Variants in NOX3 observed in about 807,000 individuals in gnomAD.
The protein encoded by NOX3 is NADPH oxidase catalytic subunit-like 3.
Under a neutral mutation model 76.7 loss-of-function variants are expected in NOX3, and 74 were observed. That is an observed-to-expected ratio of 0.96 (90% CI 0.80 to 1.17). The LOEUF is 1.17. Ranked by LOEUF, NOX3 falls within the 50% of genes most tolerant of loss-of-function variation. NOX3 has a pLI of 0.00. For missense variants in NOX3, 695 were observed against 703.3 expected, an observed-to-expected ratio of 0.99 and a Z score of 0.13; for synonymous variants, 263 against 261.1, an observed-to-expected ratio of 1.01 and a Z score of -0.07.
chr6:155,416,995 C>T (rs951070996), intron 10 of NOX3, among the ~76,000 whole-genome samples: 4 of 151,974 alleles, frequency 2.6e-5, no homozygotes, highest in African/African-American at 9.7e-5. Context: ...AGGTGTTCCG[C>T]CCACCTCGAC....
intron 12 of NOX3, among the ~76,000 whole-genome samples, chr6:155,399,975 G>C (rs1562456188): frequency 6.6e-6 from 1 of 152,138 alleles, no homozygotes; most frequent in Non-Finnish European, 1.5e-5. Context: ...GATCAGTCTG[G>C]GCTGCTGACT....
chr6:155,407,577 A>G (rs144880595), intron 11 of NOX3, among the ~76,000 whole-genome samples: 358 of 152,366 alleles, frequency 2.3e-3, no homozygotes, highest in Middle Eastern at 6.8e-3. Context: ...AGCAAGCACT[A>G]AACGACTTCC....
rs748938503 is a variant in NOX3, at chr6:155,428,783, T to C, written c.1145+11A>G. 7.5e-6 allele frequency: 11 copies of C among 1,472,872 alleles called. No individual in the cohort carries two copies. The highest frequency in any genetic ancestry group is 1.4e-5 in the African/African-American group (1 of 70,880). The allele number at this position is 1,472,872 out of a possible 1,614,324, so 91.2% of individuals were successfully genotyped here. On this transcript the variant is annotated intron_variant, in intron 9 of 13. Coordinates refer to ENST00000159060, the MANE Select transcript of NOX3 (RefSeq NM_015718.3). Reference sequence around the variant, plus strand: ...TACTGCAATTTATACATGAGAGAAATGGGCACGAACCTTGGCAGGCTCCAG... The same window carrying C: ...TACTGCAATTTATACATGAGAGAAACGGGCACGAACCTTGGCAGGCTCCAG...
At position 155,422,738 on chromosome 6, in the gene NOX3, A is replaced by G. The variant is rs759233146; in HGVS notation, c.1264T>C (p.Trp422Arg). ...TPFAALLKSI[W>R]YKCSEAQTPL... is the part of the protein sequence containing the mutation. Reference sequence around the variant, plus strand: ...GTCTGTGCCTCACTGCATTTGTACCATATAGATTTCAGAAGAGCAGCGAAG... The same window carrying G: ...GTCTGTGCCTCACTGCATTTGTACCGTATAGATTTCAGAAGAGCAGCGAAG... Residue 422 changes from tryptophan to arginine, a missense_variant, in exon 10 of 14, where the codon TGG becomes CGG. Trp to Arg is a moderately radical substitution (Grantham distance 101, BLOSUM62 -3). Transcript: ENST00000159060. 1 of 1,614,196 alleles carries G rather than the reference A, an allele frequency of 6.2e-7. No homozygotes were observed. Among genetic ancestry groups the G allele is most frequent in the Non-Finnish European group, 8.5e-7 (1 of 1,180,030 alleles).
chr6:155,407,956 GTTTGTTTGTT>G (rs1470833359), intron 11 of NOX3, among the ~76,000 whole-genome samples: 1 of 152,154 alleles, frequency 6.6e-6, no homozygotes, highest in East Asian at 1.9e-4. Flanking sequence ...GATCATTTTT[GTTTGTTTGTT>G]TTTGTTTGTT....
intron 10 of NOX3, among the ~76,000 whole-genome samples, chr6:155,416,744 C>CTTTTTTTTTTTTTTTTTTTTT (rs534711414): frequency 1.3e-4 from 12 of 92,534 alleles, no homozygotes; most frequent in African/African-American, 4.6e-4. Context: ...CTGAAACATT[C>CTTTTTTTTTTTTTTTTTTTTT]TTTTTTTTTT....
At chr6:155,453,342 C>G (rs1562474418) in intron 4 of NOX3, 62 bp downstream of exon 4, 41 of 1,320,998 alleles carry the variant, frequency 3.1e-5, no homozygotes, top group Non-Finnish European at 3.7e-5. Context: ...AGAGTTAAAA[C>G]AAAACTATGA....
chr6:155,398,228 T>C (rs1779165170), intron 12 of NOX3, among the ~76,000 whole-genome samples: 1 of 152,196 alleles, frequency 6.6e-6, no homozygotes, highest in Admixed American at 6.5e-5. Context: ...ATTCCTAGGC[T>C]CGAATCCAAG....
chr6:155,443,472 G>A (rs559400187), intron 4 of NOX3, 54 bp from the exon 5 acceptor site: 3 of 1,577,732 alleles, frequency 1.9e-6, no homozygotes, highest in Non-Finnish European at 2.6e-6. Flanking sequence ...TTTCTCCCTA[G>A]TTACTAAAAA....
At chr6:155,424,724 G>T (rs1776734880) in intron 9 of NOX3, among the ~76,000 whole-genome samples, 1 of 152,118 alleles carries the variant, frequency 6.6e-6, no homozygotes, top group Non-Finnish European at 1.5e-5. Flanking sequence ...AACCAGAAAT[G>T]GTTAGTATCT....
At position 155,407,235 on chromosome 6, in the gene NOX3, T is replaced by G; in HGVS notation, c.1475A>C (p.His492Pro). The change falls in exon 12 of 14, where the codon CAC becomes CCC. Residue 492 changes from histidine (H) to proline (P), a missense_variant. Coordinates refer to ENST00000159060, the MANE Select transcript of NOX3 (RefSeq NM_015718.3). ...AATCACGTCAGTATTTTCGTCCCAG[T>G]GTAAAGCTATGTGAAGAGCCTAAAG... ...DENQALHIAL[H>P]WDENTDVITG... The G allele has an allele frequency of 6.2e-7, 1 of 1,613,930 alleles. No individual in the cohort carries two copies. Among genetic ancestry groups the G allele is most frequent in the Non-Finnish European group, 8.5e-7 (1 of 1,179,938 alleles).
At chr6:155,451,545 A>G (rs1777140137) in intron 4 of NOX3, among the ~76,000 whole-genome samples, 1 of 152,194 alleles carries the variant, frequency 6.6e-6, no homozygotes, top group Admixed American at 6.5e-5. Flanking sequence ...ATTACATATA[A>G]AGAAATGTAC....
At chr6:155,429,124 T>A in intron 8 of NOX3, 77 bp from the exon 9 acceptor site, 18 of 1,383,982 alleles carry the variant, frequency 1.3e-5, no homozygotes, top group Non-Finnish European at 1.7e-5. Context: ...TCAAAGGTGT[T>A]GAAAATTTTA....
intron 7 of NOX3, among the ~76,000 whole-genome samples, chr6:155,436,120 G>A (rs1277412276): frequency 6.6e-6 from 1 of 152,170 alleles, no homozygotes; most frequent in Non-Finnish European, 1.5e-5. Flanking sequence ...ACAAAGAAGG[G>A]TGGTGAGGCC....
At chr6:155,446,153 C>G (rs751762412) in intron 4 of NOX3, among the ~76,000 whole-genome samples, 1 of 151,668 alleles carries the variant, frequency 6.6e-6, no homozygotes, top group Non-Finnish European at 1.5e-5. Context: ...GGTTAGCACC[C>G]ACGAAGTACT....
intron 4 of NOX3, among the ~76,000 whole-genome samples, 156 bp downstream of exon 4, chr6:155,453,248 T>C (rs1167506508): frequency 6.6e-6 from 1 of 152,178 alleles, no homozygotes; most frequent in Non-Finnish European, 1.5e-5. Flanking sequence ...AAATTGAAAA[T>C]GTAAAAACCC....
intron 8 of NOX3, among the ~76,000 whole-genome samples, chr6:155,429,944 G>A (rs1019803514): frequency 1.3e-5 from 2 of 152,198 alleles, no homozygotes; most frequent in Admixed American, 6.5e-5. Context: ...TAGGTTTCCA[G>A]AAGTTTTACA....
chr6:155,449,457 T>C (rs1051657231), intron 4 of NOX3, among the ~76,000 whole-genome samples: 5 of 152,178 alleles, frequency 3.3e-5, no homozygotes, highest in Admixed American at 6.5e-5. Context: ...TGTGAAACTA[T>C]GATTTTTATA....
At chr6:155,434,084 T>C (rs920942116) in intron 7 of NOX3, among the ~76,000 whole-genome samples, 7 of 152,246 alleles carry the variant, frequency 4.6e-5, no homozygotes, top group Admixed American at 2.6e-4. Context: ...TTTTATTTTA[T>C]GTGTGTGTTT....
Sources: gnomAD v4.1 joint callset for allele counts (sites outside exome capture counted in the v4.1 genomes callset) on GRCh38, gnomAD v4.1.1 for gene constraint, MANE v1.5 for transcripts, NCBI Gene and HGNC (gene_info 2026-07-23, HGNC 2026-07-21) for gene names.